Variants in LARGE1 observed in about 807,000 individuals in gnomAD.
LARGE1 encodes the protein LARGE xylosyl- and glucuronyltransferase 1.
In LARGE1, 43 loss-of-function variants were observed where a neutral mutation model predicts 87.6. The observed-to-expected ratio is 0.49, with a 90% CI of 0.38 to 0.63. The LOEUF (loss-of-function observed/expected upper bound fraction) is 0.63. Ranked by LOEUF, LARGE1 falls within the 30% of genes least tolerant of loss-of-function variation. The pLI, the probability that LARGE1 is intolerant of heterozygous loss-of-function variation, is 0.00. For missense variants in LARGE1, 802 were observed against 1,000.2 expected, an observed-to-expected ratio of 0.80 and a Z score of 2.67; for synonymous variants, 434 against 394.6, an observed-to-expected ratio of 1.10 and a Z score of -1.18.
chr22:33,795,963 T>C (rs2413200), intron 1 of LARGE1, among the ~76,000 whole-genome samples: 137,717 of 150,878 alleles, frequency 0.91, 63,011 homozygotes, highest in East Asian at 0.97. Flanking sequence ...CAAACCTGCA[T>C]ATTGTGCACA....
chr22:33,823,864 C>G (rs1601704260), intron 1 of LARGE1, among the ~76,000 whole-genome samples: 1 of 152,168 alleles, frequency 6.6e-6, no homozygotes, highest in African/African-American at 2.4e-5. Context: ...CGTCTCGATA[C>G]AGGGCTTCAC....
chr22:33,128,698 G>T, the LARGE1 span, among the ~76,000 whole-genome samples: 8 of 121,150 alleles, frequency 6.6e-5, no homozygotes, highest in Admixed American at 6.9e-4. Flanking sequence ...AAAAAAAAAA[G>T]AAAAAGAAAA....
chr22:33,805,193 C>G (rs1401750547), intron 1 of LARGE1, among the ~76,000 whole-genome samples: 3 of 152,126 alleles, frequency 2.0e-5, no homozygotes, highest in African/African-American at 7.2e-5. Context: ...GCTGAATATA[C>G]CTTAAAGACA....
At chr22:33,857,951 C>G (rs1430480334) in intron 1 of LARGE1, among the ~76,000 whole-genome samples, 2 of 152,136 alleles carry the variant, frequency 1.3e-5, no homozygotes, top group Non-Finnish European at 2.9e-5. Flanking sequence ...CGTGGCGGGC[C>G]GCTTCCAAAA....
chr22:33,332,975 C>T (rs1937928995), intron 10 of LARGE1, among the ~76,000 whole-genome samples: 1 of 151,840 alleles, frequency 6.6e-6, no homozygotes, highest in East Asian at 1.9e-4. Flanking sequence ...AGATCAGAGC[C>T]CCATCCATCA....
chr22:33,217,202 A>C (rs1925247356), intron 11 of LARGE1, among the ~76,000 whole-genome samples: 1 of 152,194 alleles, frequency 6.6e-6, no homozygotes, highest in Non-Finnish European at 1.5e-5. Context: ...AGAGTGAATA[A>C]ATAAATTATG....
chr22:33,670,418 G>A (rs1274590562), intron 2 of LARGE1, among the ~76,000 whole-genome samples: 4 of 151,602 alleles, frequency 2.6e-5, no homozygotes, highest in Non-Finnish European at 4.4e-5. Context: ...GCACCAAGAC[G>A]CTAGATTGAG....
Position 33,556,516 on chromosome 22 carries a change from AAGGGAGGGAGGGAGGGAGGGAAGGAGGG to A in LARGE1, c.787+8304_787+8331del, listed in dbSNP as rs1234202195. On this transcript the variant is annotated intron_variant, in intron 6 of 14. Coordinates refer to ENST00000397394, the MANE Select transcript of LARGE1 (RefSeq NM_133642.5). ...GCAAAAGGCAAGGAAAGAAGGAAGG[AAGGGAGGGAGGGAGGGAGGGAAGGAGGG>A]AGGGAGGGAGGGAGGGAGGGAGGCA... Among the ~76,000 whole-genome samples the A allele has an allele frequency of 1.4e-4, 11 of 79,000 alleles. No individual in the cohort carries two copies. In the East Asian group the frequency reaches 4.2e-3, roughly 30 times the overall value. 51.8% of individuals were successfully genotyped at this position (79,000 alleles called of 152,430 possible).
intron 1 of LARGE1, chr22:33,856,690 G>A (rs1300623633): frequency 2.0e-5 from 3 of 152,186 alleles, no homozygotes; most frequent in Non-Finnish European, 2.9e-5. Context: ...ACTTGGAAAG[G>A]TTTCTGTGAG....
intron 1 of LARGE1, among the ~76,000 whole-genome samples, chr22:33,852,179 T>A (rs967563747): frequency 6.6e-6 from 1 of 152,172 alleles, no homozygotes; most frequent in African/African-American, 2.4e-5. Flanking sequence ...GTTTGTGGTA[T>A]TTACTTTGTA....
chr22:33,650,949 T>C (rs879140274), intron 2 of LARGE1, among the ~76,000 whole-genome samples: 2 of 152,078 alleles, frequency 1.3e-5, no homozygotes, highest in Admixed American at 1.3e-4. Context: ...TTCCTCTCCC[T>C]ACTTGGCATG....
At chr22:33,166,512 C>T (rs988229649) in exon 12 of LARGE1, 1 of 333,394 alleles carries the variant, frequency 3.0e-6, no homozygotes, top group African/African-American at 2.2e-5. Flanking sequence ...TTCAATGTTA[C>T]CACGGGGATG....
intron 7 of LARGE1, among the ~76,000 whole-genome samples, chr22:33,409,225 A>AG (rs1281807968): frequency 6.6e-6 from 1 of 152,156 alleles, no homozygotes; most frequent in Non-Finnish European, 1.5e-5. Flanking sequence ...GCAAGGGCTC[A>AG]GGGGGACAAG....
intron 10 of LARGE1, chr22:33,322,590 T>C (rs1232911916): frequency 6.6e-6 from 1 of 152,176 alleles, no homozygotes; most frequent in African/African-American, 2.4e-5. Context: ...CCCCTGTATG[T>C]TAGGAGAGGG....
chr22:33,093,905 G>A, the LARGE1 span, among the ~76,000 whole-genome samples: 9 of 129,770 alleles, frequency 6.9e-5, no homozygotes, highest in Non-Finnish European at 1.2e-4. Context: ...TTAACTCACC[G>A]CAACCTCCTG....
rs781160771 is a variant in LARGE1 at position 33,650,517 on chromosome 22, G to A, written c.258C>T (p.Ala86=). 1.9e-6 allele frequency: 3 copies of A among 1,612,818 alleles called. No homozygotes were observed. The highest frequency in any genetic ancestry group is 2.5e-6 in the Non-Finnish European group (3 of 1,180,010). ...GGCGATGGGATGGGGCTCGGCCCTG[G>A]GCCAGGCTGAGCTGCCTGCGGAGGG... ...NRALRRQLSL[A]QGRAPSHRRG... The change falls in exon 3 of 15, where the codon GCC becomes GCT. Residue 86 remains alanine (A), a synonymous_variant. Transcript: ENST00000397394.
At chr22:33,707,598 G>A (rs1174812422) in intron 2 of LARGE1, among the ~76,000 whole-genome samples, 1 of 152,196 alleles carries the variant, frequency 6.6e-6, no homozygotes, top group Non-Finnish European at 1.5e-5. Context: ...TCAGTTCTTT[G>A]GAATCAAGGG....
chr22:33,588,110 C>A (rs1205808750), intron 5 of LARGE1, among the ~76,000 whole-genome samples: 2 of 152,182 alleles, frequency 1.3e-5, no homozygotes, highest in Non-Finnish European at 2.9e-5. Flanking sequence ...AAGACTTCTT[C>A]ATTCAAACAC....
rs2081668512 is a variant in LARGE1, at chr22:33,679,128, T to A, written c.107-28460A>T. Among the ~76,000 whole-genome samples the A allele has an allele frequency of 2.0e-5, 3 of 152,356 alleles. No individual in the cohort carries two copies. In the South Asian group the frequency reaches 6.2e-4, roughly 32 times the overall value. On this transcript the variant is annotated intron_variant, in intron 2 of 14. Coordinates refer to ENST00000397394, the MANE Select transcript of LARGE1 (RefSeq NM_133642.5). ...ATAAAAGCTTCTGAAGATCAGGAAG[T>A]CTGTTTATTTTGGTCATCCCCTTAT...
Sources: allele counts gnomAD v4.1 joint callset (sites outside exome capture counted in the v4.1 genomes callset), GRCh38; gene constraint gnomAD v4.1.1; transcripts MANE v1.5; gene names NCBI Gene and HGNC (gene_info 2026-07-23, HGNC 2026-07-21).